The following KCNB2 variants were observed in gnomAD, a reference collection of about 807,000 sequenced individuals.
KCNB2 encodes potassium voltage-gated channel subfamily B member 2, also known as delayed rectifier potassium channel protein.
A neutral mutation model predicts 61.5 loss-of-function variants in KCNB2; 15 were observed. That is an observed-to-expected ratio of 0.24 (90% CI 0.16 to 0.38). The LOEUF (loss-of-function observed/expected upper bound fraction) is 0.38. Ranked by LOEUF, KCNB2 falls within the 10% of genes least tolerant of loss-of-function variation. KCNB2 has a pLI of 1.00. For synonymous variants in KCNB2, 457 were observed against 446.0 expected, an observed-to-expected ratio of 1.02 and a Z score of -0.31; for missense variants, 828 against 1,125.2, an observed-to-expected ratio of 0.74 and a Z score of 3.78.
At chr8:72,610,514 G>A (rs1805520327) in intron 2 of KCNB2, among the ~76,000 whole-genome samples, 1 of 152,010 alleles carries the variant, frequency 6.6e-6, no homozygotes, top group African/African-American at 2.4e-5. Context: ...CTAACAAAAG[G>A]TTAGGGATAT....
rs559595895 is a variant in KCNB2, at chr8:72,741,973, A to G, written c.579+173660A>G. On this transcript the variant is annotated intron_variant, in intron 2 of 2. Transcript: ENST00000523207. ...TGAAAGTAGAACTACCATTTGATCT[A>G]GCAATCCCACTATTGGGTATCTACC... 9.2e-5 allele frequency among the ~76,000 whole-genome samples: 14 copies of G among 152,348 alleles called. No individual in the cohort carries two copies. In the South Asian group the frequency reaches 2.3e-3, roughly 25 times the overall value.
intron 2 of KCNB2, among the ~76,000 whole-genome samples, chr8:72,628,627 G>A (rs1237550473): frequency 1.3e-5 from 2 of 152,126 alleles, no homozygotes; most frequent in Non-Finnish European, 1.5e-5. Flanking sequence ...ATTAAGGTTG[G>A]TATCTCAGGA....
intron 2 of KCNB2, among the ~76,000 whole-genome samples, chr8:72,704,208 A>T (rs1464156519): frequency 6.6e-6 from 1 of 152,166 alleles, no homozygotes; most frequent in African/African-American, 2.4e-5. Context: ...CTTTTATATA[A>T]AGGTTGTAGG....
chr8:72,630,816 G>A (rs1805866298), intron 2 of KCNB2, among the ~76,000 whole-genome samples: 1 of 152,076 alleles, frequency 6.6e-6, no homozygotes, highest in African/African-American at 2.4e-5. Context: ...TTGGTAAAAG[G>A]GGAGAAAGAA....
At chr8:72,629,879 A>C (rs1805852381) in intron 2 of KCNB2, among the ~76,000 whole-genome samples, 1 of 152,230 alleles carries the variant, frequency 6.6e-6, no homozygotes, top group Non-Finnish European at 1.5e-5. Context: ...AACTGAGCCT[A>C]GAGAGATGAA....
chr8:72,932,034 A>C (rs898764408), intron 2 of KCNB2, among the ~76,000 whole-genome samples: 24 of 151,708 alleles, frequency 1.6e-4, no homozygotes, highest in Non-Finnish European at 2.5e-4. Context: ...AACAAAAAAA[A>C]CTCCTGAGAC....
At chr8:72,636,287 G>T (rs1328505131) in intron 2 of KCNB2, among the ~76,000 whole-genome samples, 1 of 152,114 alleles carries the variant, frequency 6.6e-6, no homozygotes, top group Admixed American at 6.6e-5. Flanking sequence ...GTCGCTCAGG[G>T]ACAGATGGTT....
At chr8:72,911,263 A>G (rs1411497630) in intron 2 of KCNB2, among the ~76,000 whole-genome samples, 3 of 152,168 alleles carry the variant, frequency 2.0e-5, no homozygotes, top group Admixed American at 2.0e-4. Flanking sequence ...TCCCTTCACT[A>G]TCAGAGAGAA....
chr8:72,934,008 C>T (rs1806844923), intron 2 of KCNB2, among the ~76,000 whole-genome samples: 1 of 152,140 alleles, frequency 6.6e-6, no homozygotes, highest in Admixed American at 6.6e-5. Flanking sequence ...CTCTACAACA[C>T]ATTCTGAAAT....
intron 2 of KCNB2, among the ~76,000 whole-genome samples, chr8:72,569,616 T>C (rs1806679479): frequency 6.8e-6 from 1 of 147,494 alleles, no homozygotes; most frequent in South Asian, 2.2e-4. Flanking sequence ...ATAAGTTGTT[T>C]ACTTTCATTT....
At chr8:72,905,122 G>A (rs10101037) in intron 2 of KCNB2, among the ~76,000 whole-genome samples, 41,616 of 151,924 alleles carry the variant, frequency 0.27, 6,253 homozygotes, top group African/African-American at 0.39. Context: ...ATGACCTAAG[G>A]ACCAAAGTCT....
intron 2 of KCNB2, among the ~76,000 whole-genome samples, chr8:72,682,098 C>T (rs1438708099): frequency 6.6e-6 from 1 of 152,134 alleles, no homozygotes; most frequent in Non-Finnish European, 1.5e-5. Context: ...CCTGAGATAG[C>T]ATGTTACTAT....
chr8:72,550,409 C>T (rs1289291678), intron 1 of KCNB2, among the ~76,000 whole-genome samples: 1 of 152,170 alleles, frequency 6.6e-6, no homozygotes, highest in African/African-American at 2.4e-5. Context: ...CTTACCCTTT[C>T]GAGGCTTATG....
intron 2 of KCNB2, among the ~76,000 whole-genome samples, chr8:72,862,334 G>A (rs965195035): frequency 3.3e-5 from 5 of 152,168 alleles, no homozygotes; most frequent in African/African-American, 9.7e-5. Flanking sequence ...TATAAATACA[G>A]ATGTAAAGAG....
At chr8:72,676,175 A>G (rs1220128826) in intron 2 of KCNB2, among the ~76,000 whole-genome samples, 1 of 152,178 alleles carries the variant, frequency 6.6e-6, no homozygotes, top group Non-Finnish European at 1.5e-5. Flanking sequence ...AGGAAATGAC[A>G]ATATTTCTTT....
intron 2 of KCNB2, among the ~76,000 whole-genome samples, chr8:72,928,193 T>TTC (rs1399639716): frequency 7.1e-4 from 77 of 109,206 alleles, no homozygotes; most frequent in African/African-American, 3.6e-3. Context: ...CTTTCTTTCT[T>TTC]TTTTTTTTTT....
intron 2 of KCNB2, among the ~76,000 whole-genome samples, chr8:72,920,475 A>ATCTATCTATCTATCTATC (rs10631337): frequency 3.4e-5 from 2 of 58,344 alleles, no homozygotes; most frequent in African/African-American, 1.1e-4. Flanking sequence ...CTATCTATCT[A>ATCTATCTATCTATCTATC]TATATATATA....
chr8:72,576,954 A>G (rs1399516239), intron 2 of KCNB2, among the ~76,000 whole-genome samples: 4 of 152,202 alleles, frequency 2.6e-5, no homozygotes, highest in Admixed American at 6.5e-5. Flanking sequence ...ATTTGCTTTC[A>G]TCTCTCCAAA....
chr8:72,750,414 T>C (rs1383588981), intron 2 of KCNB2: 1 of 152,172 alleles, frequency 6.6e-6, no homozygotes, highest in African/African-American at 2.4e-5. Context: ...ACCTGCACAG[T>C]TGAATTTCAA....
Sources: gnomAD v4.1 joint callset for allele counts (sites outside exome capture counted in the v4.1 genomes callset) on GRCh38, gnomAD v4.1.1 for gene constraint, MANE v1.5 for transcripts, NCBI Gene and HGNC (gene_info 2026-07-23, HGNC 2026-07-21) for gene names.